The following FHIT variants were observed in gnomAD, a reference collection of about 807,000 sequenced individuals.
FHIT encodes the protein bis(5'-adenosyl)-triphosphatase.
In FHIT, 19 loss-of-function variants were observed where a neutral mutation model predicts 17.9. The ratio of observed to expected loss-of-function variants is 1.06; its 90% confidence interval spans 0.74 to 1.56. FHIT has a LOEUF of 1.56. FHIT is among the 40% of genes most tolerant of loss of function. The pLI is 0.00. For missense variants in FHIT, 248 were observed against 189.2 expected (o/e 1.31, Z -1.82); for synonymous variants, 81 against 69.7 (o/e 1.16, Z -0.81).
chr3:60,932,954 G>C (rs1158607660), intron 3 of FHIT, among the ~76,000 whole-genome samples: 16 of 152,170 alleles, frequency 1.1e-4, no homozygotes, highest in African/African-American at 3.1e-4. Context: ...ACAAACCCTA[G>C]GAGCATAATT....
At chr3:59,815,613 G>T (rs1369764623) in intron 8 of FHIT, among the ~76,000 whole-genome samples, 2 of 152,218 alleles carry the variant, frequency 1.3e-5, no homozygotes, top group East Asian at 1.9e-4. Context: ...GGAGACTATT[G>T]TTCTAAGTGA....
At chr3:61,102,572 A>T (rs1297381711) in intron 2 of FHIT, among the ~76,000 whole-genome samples, 1 of 152,202 alleles carries the variant, frequency 6.6e-6, no homozygotes, top group Non-Finnish European at 1.5e-5. Context: ...GCCTCATAAA[A>T]TGAGTTAGGG....
rs142948532 is a variant in FHIT at position 59,967,056 on chromosome 3, A to AACAC, written c.279+44311_279+44314dup. 1.6e-3 allele frequency among the ~76,000 whole-genome samples: 246 copies of AACAC among 151,744 alleles called. 1 individual carries two copies. Among genetic ancestry groups the AACAC allele is most frequent in the Non-Finnish European group, 3.2e-3 (218 of 67,834 alleles). Reference sequence around the variant, plus strand: ...TTTTTACACTTTTGTGTTAAAAACCAACACACACACACACATTAGTCTAGG... The same window carrying AACAC: ...TTTTTACACTTTTGTGTTAAAAACCAACACACACACACACACACATTAGTCTAGG... On this transcript the variant is annotated intron_variant, in intron 7 of 9. Coordinates refer to ENST00000492590, the MANE Select transcript of FHIT (RefSeq NM_002012.4).
intron 7 of FHIT, among the ~76,000 whole-genome samples, chr3:59,957,297 C>G (rs183536048): frequency 1.3e-3 from 203 of 152,264 alleles, no homozygotes; most frequent in Non-Finnish European, 2.3e-3. Flanking sequence ...CAGGGGTGTG[C>G]ATTCGAGAGA....
chr3:60,538,954 A>C (rs971482459), intron 4 of FHIT, among the ~76,000 whole-genome samples: 18 of 152,044 alleles, frequency 1.2e-4, no homozygotes, highest in Non-Finnish European at 1.5e-5. Flanking sequence ...TTCTAATTAA[A>C]CTAAAGAGCT....
At chr3:60,071,480 C>A (rs1204103204) in intron 5 of FHIT, among the ~76,000 whole-genome samples, 1 of 152,112 alleles carries the variant, frequency 6.6e-6, no homozygotes, top group African/African-American at 2.4e-5. Flanking sequence ...GCATTTCCCC[C>A]ACTTCTGAGG....
At chr3:61,224,133 A>C (rs1012211165) in intron 1 of FHIT, among the ~76,000 whole-genome samples, 2 of 152,264 alleles carry the variant, frequency 1.3e-5, no homozygotes, top group African/African-American at 4.8e-5. Flanking sequence ...GATCTGGGAA[A>C]TAAGTAAGGT....
At chr3:60,184,717 G>C (rs1329725845) in intron 5 of FHIT, among the ~76,000 whole-genome samples, 1 of 152,134 alleles carries the variant, frequency 6.6e-6, no homozygotes, top group African/African-American at 2.4e-5. Context: ...TAAGATGTGA[G>C]AGCTAGGCTC....
rs529695574 is a variant in FHIT at position 60,789,310 on chromosome 3, A to G, written c.-18+32609T>C. On this transcript the variant is annotated intron_variant, in intron 4 of 9. Transcript: ENST00000492590. ...AAGGCGGGTAGATCACGAGGTCAAG[A>G]GATCGATACCATCCTGGGCAACATG... 1.4e-4 allele frequency among the ~76,000 whole-genome samples: 21 copies of G among 152,052 alleles called. No homozygotes were observed. In the South Asian group the frequency reaches 3.7e-3, roughly 27 times the overall value.
At chr3:60,422,727 T>C (rs935457267) in intron 5 of FHIT, among the ~76,000 whole-genome samples, 2 of 152,138 alleles carry the variant, frequency 1.3e-5, no homozygotes, top group African/African-American at 4.8e-5. Context: ...TCCCCTAATC[T>C]CTTCCACAAA....
At chr3:60,774,539 G>A (rs1156666396) in intron 4 of FHIT, among the ~76,000 whole-genome samples, 1 of 152,106 alleles carries the variant, frequency 6.6e-6, no homozygotes, top group Non-Finnish European at 1.5e-5. Flanking sequence ...GACCTCAAGT[G>A]ATCTGCCCAC....
At chr3:60,430,868 G>C (rs779314413) in intron 5 of FHIT, among the ~76,000 whole-genome samples, 24 of 151,972 alleles carry the variant, frequency 1.6e-4, no homozygotes, top group Admixed American at 3.3e-4. Context: ...TGAGATTCAG[G>C]GCAGTGATAA....
chr3:60,012,961 A>G (rs924853492), intron 6 of FHIT, among the ~76,000 whole-genome samples: 9 of 152,218 alleles, frequency 5.9e-5, no homozygotes, highest in Non-Finnish European at 8.8e-5. Flanking sequence ...CACGGTTTGC[A>G]ACATAAGCTT....
At chr3:61,204,951 T>A (rs541410711) in intron 1 of FHIT, among the ~76,000 whole-genome samples, 1 of 151,414 alleles carries the variant, frequency 6.6e-6, no homozygotes. Flanking sequence ...ATTAGGTATA[T>A]CTCCTAATGC....
intron 5 of FHIT, among the ~76,000 whole-genome samples, chr3:60,071,606 A>T (rs1362879040): frequency 6.6e-6 from 1 of 152,114 alleles, no homozygotes; most frequent in Non-Finnish European, 1.5e-5. Context: ...GACTTGTTGA[A>T]TGTCTATCTG....
intron 3 of FHIT, among the ~76,000 whole-genome samples, chr3:60,964,443 A>G (rs1330743423): frequency 6.6e-6 from 1 of 152,062 alleles, no homozygotes; most frequent in Admixed American, 6.6e-5. Context: ...TTTAAGGTTA[A>G]TATTATTATG....
At chr3:60,683,658 G>A (rs2040801818) in intron 4 of FHIT, among the ~76,000 whole-genome samples, 1 of 152,114 alleles carries the variant, frequency 6.6e-6, no homozygotes, top group African/African-American at 2.4e-5. Context: ...TGATGGTCTG[G>A]AAGTGAACAT....
rs561838431 is a variant in FHIT, at chr3:60,244,365, C to G, written c.104-230213G>C. Among the ~76,000 whole-genome samples the G allele has an allele frequency of 2.5e-3, 382 of 152,038 alleles. 2 individuals carry two copies. The highest frequency in any genetic ancestry group is 6.8e-3 in the Middle Eastern group (2 of 294). ...TAAAAGGTCACACAATTGTCACTTTCTAAAAATAATTTCCCAGGATCTATA... is the reference window on the plus strand; with the variant it reads ...TAAAAGGTCACACAATTGTCACTTTGTAAAAATAATTTCCCAGGATCTATA... On this transcript the variant is annotated intron_variant, in intron 5 of 9. Transcript: ENST00000492590.
chr3:60,800,816 T>C (rs1171929167), intron 4 of FHIT, among the ~76,000 whole-genome samples: 2 of 152,158 alleles, frequency 1.3e-5, no homozygotes, highest in Non-Finnish European at 2.9e-5. Flanking sequence ...CCTTGACAGC[T>C]TCTGTTAGTC....
Sources: gnomAD v4.1 joint callset for allele counts (sites outside exome capture counted in the v4.1 genomes callset) on GRCh38, gnomAD v4.1.1 for gene constraint, MANE v1.5 for transcripts, NCBI Gene and HGNC (gene_info 2026-07-23, HGNC 2026-07-21) for gene names.